The following SRGAP2B variants were observed in gnomAD, a reference collection of about 807,000 sequenced individuals.
SRGAP2B encodes the protein SLIT-ROBO Rho GTPase-activating protein 2B.
Under a neutral mutation model 22.2 loss-of-function variants are expected in SRGAP2B, and 9 were observed. That is an observed-to-expected ratio of 0.41 (90% confidence interval 0.24 to 0.71). SRGAP2B has a LOEUF of 0.71. SRGAP2B is among the 30% of genes least tolerant of loss of function. The pLI is 0.35. For missense variants in SRGAP2B, 114 were observed against 235.8 expected, an observed-to-expected ratio of 0.48 and a Z score of 3.38; for synonymous variants, 36 against 87.4, an observed-to-expected ratio of 0.41 and a Z score of 3.28.
intron 3 of SRGAP2B, among the ~76,000 whole-genome samples, chr1:144,976,071 AG>A (rs1668883082): frequency 6.8e-6 from 1 of 148,134 alleles, no homozygotes; most frequent in South Asian, 2.1e-4. Context: ...TAGAAGAGAC[AG>A]GGTTTCACCG....
In SRGAP2B at chr1:144,924,781, G is replaced by A. The variant is rs1553347323; in HGVS notation, c.424-10027C>T. On this transcript the variant is annotated intron_variant, in intron 4 of 9. Coordinates refer to ENST00000612199, the Ensembl canonical transcript of SRGAP2B. ...GTGTATCTACCCGCAGTTGTCAGGC[G>A]CAGTATCCATATATGTCATTTAGGT... Among the ~76,000 whole-genome samples, 11 of 145,324 alleles carry A rather than the reference G, an allele frequency of 7.6e-5. No individual in the cohort carries two copies. In the South Asian group the frequency reaches 2.1e-3, roughly 28 times the overall value.
At chr1:145,001,749 A>C (rs1423132661) in intron 2 of SRGAP2B, among the ~76,000 whole-genome samples, 1 of 150,598 alleles carries the variant, frequency 6.6e-6, no homozygotes, top group Non-Finnish European at 1.5e-5. Context: ...GGCCAGGCAC[A>C]GTGGCTCACC....
Position 144,955,230 on chromosome 1 carries a change from T to C in SRGAP2B, c.423+209A>G, listed in dbSNP as rs58876633. 9.6e-4 allele frequency among the ~76,000 whole-genome samples: 143 copies of C among 149,578 alleles called. 10 individuals are homozygous for C. Among genetic ancestry groups the C allele is most frequent in the African/African-American group, 3.3e-3 (132 of 39,618 alleles). ...AAGCCTATGAAGTGGGCCAATAAGATATTCTTTCTTTTATTTTTTCTTTCC... is the reference window on the plus strand; with the variant it reads ...AAGCCTATGAAGTGGGCCAATAAGACATTCTTTCTTTTATTTTTTCTTTCC... On this transcript the variant is annotated intron_variant, in intron 4 of 9. Coordinates refer to ENST00000612199, the Ensembl canonical transcript of SRGAP2B.
chr1:144,922,872 G>A lies in SRGAP2B; in HGVS notation c.424-8118C>T, dbSNP rs587751833. The stretch of plus-strand genomic sequence containing the variant: ...CCATTTCCTTACGGCTTTTCTAGAA[G>A]CTCTGGAATGTGTGAGCAGTAACAC... On this transcript the variant is annotated intron_variant, in intron 4 of 9. Coordinates refer to ENST00000612199, the Ensembl canonical transcript of SRGAP2B. 1.3e-5 allele frequency among the ~76,000 whole-genome samples: 2 copies of A among 151,066 alleles called. 1 individual carries two copies. Among genetic ancestry groups the A allele is most frequent in the African/African-American group, 4.9e-5 (2 of 40,546 alleles).
intron 4 of SRGAP2B, among the ~76,000 whole-genome samples, chr1:144,927,052 C>T (rs782212378): frequency 1.6e-4 from 24 of 150,992 alleles, no homozygotes; most frequent in Non-Finnish European, 3.4e-4. Flanking sequence ...CGGCTTCACG[C>T]CATTCTCCTG....
chr1:144,941,755 G>T (rs1666068740), intron 4 of SRGAP2B, among the ~76,000 whole-genome samples: 1 of 149,498 alleles, frequency 6.7e-6, no homozygotes, highest in South Asian at 2.1e-4. Flanking sequence ...ATAAATAGGG[G>T]AGTCAACAGA....
intron 2 of SRGAP2B, among the ~76,000 whole-genome samples, chr1:145,040,571 A>T (rs1409188722): frequency 6.7e-6 from 1 of 150,126 alleles, no homozygotes; most frequent in Non-Finnish European, 1.5e-5. Context: ...ATAGCCATGG[A>T]CGATATACAA....
At chr1:144,987,241 T>C (rs1553616162) in intron 3 of SRGAP2B, among the ~76,000 whole-genome samples, 2 of 152,038 alleles carry the variant, frequency 1.3e-5, no homozygotes, top group African/African-American at 4.8e-5. Flanking sequence ...CCTTCTTCTA[T>C]ATTAAGAGAA....
At chr1:144,907,703 A>G (rs1158831616) in intron 5 of SRGAP2B, among the ~76,000 whole-genome samples, 3 of 150,184 alleles carry the variant, frequency 2.0e-5, no homozygotes, top group Non-Finnish European at 4.4e-5. Flanking sequence ...CATGCACAGG[A>G]CGGCCCCCAC....
chr1:144,958,163 T>G (rs1553610694), intron 3 of SRGAP2B, among the ~76,000 whole-genome samples: 1 of 151,274 alleles, frequency 6.6e-6, no homozygotes. Flanking sequence ...AAAGGCCAGC[T>G]AGCTCAGAAA....
chr1:145,008,974 A>ATC (rs1553621675), intron 2 of SRGAP2B, among the ~76,000 whole-genome samples: 2 of 149,610 alleles, frequency 1.3e-5, no homozygotes, highest in Non-Finnish European at 1.5e-5. Flanking sequence ...GATCGAGACC[A>ATC]TCCTGGCTAA....
At chr1:144,973,177 T>A (rs1553613617) in intron 3 of SRGAP2B, among the ~76,000 whole-genome samples, 1 of 149,680 alleles carries the variant, frequency 6.7e-6, no homozygotes, top group Admixed American at 6.6e-5. Flanking sequence ...ACATAAGTAT[T>A]GTTCTGTGAA....
chr1:144,971,422 C>T (rs1211844540), intron 3 of SRGAP2B, among the ~76,000 whole-genome samples: 1 of 150,322 alleles, frequency 6.7e-6, no homozygotes, highest in Admixed American at 6.6e-5. Context: ...TGAACCACCG[C>T]ACCCGGCCCA....
intron 2 of SRGAP2B, among the ~76,000 whole-genome samples, chr1:145,020,660 AGT>A (rs1439925690): frequency 6.8e-6 from 1 of 147,532 alleles, no homozygotes; most frequent in African/African-American, 2.7e-5. Context: ...CATCTAGAGT[AGT>A]GTCTGATACA....
intron 3 of SRGAP2B, among the ~76,000 whole-genome samples, chr1:144,983,888 C>T (rs1217030080): frequency 1.3e-5 from 2 of 150,544 alleles, no homozygotes; most frequent in Non-Finnish European, 2.9e-5. Flanking sequence ...TTTAGCCCTG[C>T]ATACAGCCAT....
At chr1:144,939,636 C>T (rs1245456433) in intron 4 of SRGAP2B, among the ~76,000 whole-genome samples, 2 of 147,834 alleles carry the variant, frequency 1.4e-5, no homozygotes, top group African/African-American at 5.2e-5. Context: ...TTAAACTCAA[C>T]TGAATGGGTT....
At chr1:144,979,965 G>T (rs1251849061) in intron 3 of SRGAP2B, among the ~76,000 whole-genome samples, 3 of 150,756 alleles carry the variant, frequency 2.0e-5, no homozygotes, top group Non-Finnish European at 4.4e-5. Flanking sequence ...GTATGCACAT[G>T]TATCTAGGAC....
At chr1:144,917,467 A>C (rs1663938988) in intron 4 of SRGAP2B, among the ~76,000 whole-genome samples, 2 of 116,218 alleles carry the variant, frequency 1.7e-5, no homozygotes, top group Non-Finnish European at 3.4e-5. Flanking sequence ...TGAATGGCAG[A>C]GGTTAAAGGA....
Position 144,907,148 on chromosome 1 carries a change from T to C in SRGAP2B, c.487-1074A>G, listed in dbSNP as rs1304371364. 4.0e-5 allele frequency among the ~76,000 whole-genome samples: 6 copies of C among 149,064 alleles called. 1 individual carries two copies. Among genetic ancestry groups the C allele is most frequent in the Admixed American group, 2.0e-4 (3 of 15,016 alleles). ...TTGGGTGTGTGTGTGCGTGTGTGTG[T>C]GTGTGTGTGTGTGTGCATGTGTGTG... On this transcript the variant is annotated intron_variant, in intron 5 of 9. Transcript: ENST00000612199.
Sources: allele counts gnomAD v4.1 joint callset (sites outside exome capture counted in the v4.1 genomes callset), GRCh38; gene constraint gnomAD v4.1.1; transcripts MANE v1.5; gene names NCBI Gene and HGNC (gene_info 2026-07-23, HGNC 2026-07-21).